Variants in CWF19L1 observed in about 807,000 individuals in gnomAD.
The protein encoded by CWF19L1 is CWF19-like protein 1.
CWF19L1 carries 60 observed loss-of-function variants against 69.7 expected under a neutral mutation model. The observed-to-expected ratio is 0.86, with a 90% CI of 0.70 to 1.07. The LOEUF (loss-of-function observed/expected upper bound fraction) is 1.07. Ranked by LOEUF, CWF19L1 falls within the 50% of genes least tolerant of loss-of-function variation. CWF19L1 has a pLI of 0.00. For synonymous variants in CWF19L1, 209 were observed against 222.2 expected, an observed-to-expected ratio of 0.94 and a Z score of 0.53; for missense variants, 591 against 638.9, an observed-to-expected ratio of 0.92 and a Z score of 0.81.
Position 100,235,690 on chromosome 10 carries a change from C to A in CWF19L1, c.1449G>T (p.Lys483Asn). Residue 483 changes from lysine (K) to asparagine (N), a missense_variant, in exon 13 of 14, where the codon AAG (lysine) becomes AAT (asparagine). Physicochemically the swap from Lys to Asn is moderately conservative, Grantham distance 94. Coordinates refer to ENST00000354105, the MANE Select transcript of CWF19L1 (RefSeq NM_018294.6). ...TGEKLFHRIK[K>N]NFPLQFGREV... ...ACCTTCCAAACTGCAAAGGAAAATT[C>A]TTTTTAATTCTGTGGAAAAGCTTTT... 6.2e-7 allele frequency: 1 copy of A among 1,611,732 alleles called. No individual in the cohort carries two copies. Among genetic ancestry groups the A allele is most frequent in the Admixed American group, 1.7e-5 (1 of 59,936 alleles).
intron 13 of CWF19L1, among the ~76,000 whole-genome samples, chr10:100,233,622 G>A (rs1846344679): frequency 6.6e-6 from 1 of 152,162 alleles, no homozygotes; most frequent in Non-Finnish European, 1.5e-5. Context: ...GGTACTTAGA[G>A]AAGCAACACC....
chr10:100,260,001 C>T (rs1471338545), intron 4 of CWF19L1, among the ~76,000 whole-genome samples: 1 of 152,010 alleles, frequency 6.6e-6, no homozygotes, highest in Non-Finnish European at 1.5e-5. Flanking sequence ...CCTGTCTCTA[C>T]TAAAAATATA....
intron 7 of CWF19L1, chr10:100,248,612 T>A (rs1463622188): frequency 2.7e-6 from 2 of 746,436 alleles, no homozygotes; most frequent in Non-Finnish European, 4.9e-6. Flanking sequence ...AAGCGTGTGC[T>A]GCTGTCCATC....
At position 100,241,000 on chromosome 10, in the gene CWF19L1, C is replaced by CTTTTTTTTTTT. The variant is rs56262807; in HGVS notation, c.1044+2687_1044+2697dup. The stretch of plus-strand genomic sequence containing the variant: ...GACAGGAGTGTGCCACTAATTAAGC[C>CTTTTTTTTTTT]TTTTTTTTTTTTTTTTTTTTTTTTT... On this transcript the variant is annotated intron_variant, in intron 10 of 13. Transcript: ENST00000354105. Among the ~76,000 whole-genome samples the CTTTTTTTTTTT allele has an allele frequency of 4.0e-3, 286 of 70,628 alleles. 30 individuals are homozygous for CTTTTTTTTTTT. Among genetic ancestry groups the CTTTTTTTTTTT allele is most frequent in the African/African-American group, 0.017 (268 of 15,574 alleles). 46.3% of individuals were successfully genotyped at this position (70,628 alleles called of 152,430 possible).
At chr10:100,235,864 A>G (rs1846417946) in intron 12 of CWF19L1, 100 bp from the exon 13 acceptor site, 12 of 835,094 alleles carry the variant, frequency 1.4e-5, no homozygotes, top group Non-Finnish European at 2.3e-5. Context: ...ATGCACAAGA[A>G]AAAAAGATAT....
chr10:100,245,844 T>C lies in CWF19L1; in HGVS notation c.919A>G (p.Arg307Gly). ...KQGRKRSSTGRDSKSSPHPKQ... is the reference protein window; with the variant it reads ...KQGRKRSSTGGDSKSSPHPKQ... ...GGATGAGGAGAAGATTTGCTATCTC[T>C]ACCTGTGGATGAACGCTTCCTTCCC... The change falls in exon 9 of 14, where the codon AGA becomes GGA. Residue 307 changes from arginine to glycine, a missense_variant. Coordinates refer to ENST00000354105, the MANE Select transcript of CWF19L1 (RefSeq NM_018294.6). 1 of 1,614,222 alleles carries C rather than the reference T, an allele frequency of 6.2e-7. No homozygotes were observed. The highest frequency in any genetic ancestry group is 8.5e-7 in the Non-Finnish European group (1 of 1,180,006).
chr10:100,236,426 A>T (rs1301664292), intron 12 of CWF19L1, among the ~76,000 whole-genome samples: 3 of 152,038 alleles, frequency 2.0e-5, no homozygotes, highest in Non-Finnish European at 4.4e-5. Flanking sequence ...ATTTAATAAC[A>T]TTTTTGGAAT....
At chr10:100,247,011 AG>A in intron 7 of CWF19L1, 76 bp from the exon 8 acceptor site, 2 of 1,314,918 alleles carry the variant, frequency 1.5e-6, no homozygotes, top group Non-Finnish European at 2.1e-6. Context: ...TTTACTGTGA[AG>A]ATTTCACAGA....
chr10:100,243,384 C>T (rs1488781789), intron 10 of CWF19L1, among the ~76,000 whole-genome samples: 1 of 152,130 alleles, frequency 6.6e-6, no homozygotes, highest in African/African-American at 2.4e-5. Context: ...CAAAAGACCA[C>T]ATGTTGTATG....
intron 4 of CWF19L1, among the ~76,000 whole-genome samples, chr10:100,258,905 TAA>T (rs11369357): frequency 1.3e-4 from 16 of 121,450 alleles, no homozygotes; most frequent in Admixed American, 5.0e-4. Flanking sequence ...TAAATTCAAC[TAA>T]AAAAAAAAAA....
chr10:100,264,783 C>G (rs994246936), intron 1 of CWF19L1, among the ~76,000 whole-genome samples: 2 of 151,928 alleles, frequency 1.3e-5, no homozygotes, highest in African/African-American at 4.8e-5. Context: ...ATGATCCTGA[C>G]CCTGTGTAGG....
At chr10:100,259,273 G>A (rs1205468543) in intron 4 of CWF19L1, among the ~76,000 whole-genome samples, 2 of 150,950 alleles carry the variant, frequency 1.3e-5, no homozygotes, top group Non-Finnish European at 2.9e-5. Context: ...GAAAACAAAA[G>A]CAAAATTTGA....
chr10:100,246,507 T>C (rs1208331923), intron 8 of CWF19L1, among the ~76,000 whole-genome samples: 1 of 152,192 alleles, frequency 6.6e-6, no homozygotes, highest in Non-Finnish European at 1.5e-5. Flanking sequence ...CCTAAAGAGC[T>C]AAGAACAGAT....
chr10:100,266,472 A>T (rs893623390), intron 1 of CWF19L1, among the ~76,000 whole-genome samples: 5 of 151,762 alleles, frequency 3.3e-5, no homozygotes, highest in African/African-American at 1.2e-4. Flanking sequence ...TATAGGCGTG[A>T]GCCACTGCGC....
At chr10:100,263,665 T>G (rs1046249416) in intron 1 of CWF19L1, among the ~76,000 whole-genome samples, 2 of 152,216 alleles carry the variant, frequency 1.3e-5, no homozygotes, top group South Asian at 2.1e-4. Flanking sequence ...GTGCCTCATC[T>G]CCTCATCTGG....
intron 9 of CWF19L1, among the ~76,000 whole-genome samples, chr10:100,245,263 CGCCTGGCTCA>C (rs1440582397): frequency 1.3e-5 from 2 of 152,118 alleles, no homozygotes; most frequent in East Asian, 3.9e-4. Flanking sequence ...ACTTGTGATC[CGCCTGGCTCA>C]GCCTCCCAAA....
At chr10:100,248,872 C>T in intron 7 of CWF19L1, 1 of 1,036,526 alleles carries the variant, frequency 9.6e-7, no homozygotes. Flanking sequence ...GGCTGAGCAG[C>T]AGAAAAAGGC....
intron 6 of CWF19L1, 124 bp downstream of exon 6, chr10:100,253,297 C>G (rs935039645): frequency 1.9e-5 from 12 of 628,230 alleles, no homozygotes; most frequent in Non-Finnish European, 2.8e-5. Flanking sequence ...GAGTCACTTA[C>G]TTCAGTGTCT....
At chr10:100,243,835 C>T in intron 9 of CWF19L1, 58 bp from the exon 10 acceptor site, 2 of 1,328,784 alleles carry the variant, frequency 1.5e-6, no homozygotes, top group Non-Finnish European at 1.1e-6. Flanking sequence ...CATATAATCA[C>T]CCCACAGAAC....
Sources: gnomAD v4.1 joint callset for allele counts (sites outside exome capture counted in the v4.1 genomes callset) on GRCh38, gnomAD v4.1.1 for gene constraint, MANE v1.5 for transcripts, NCBI Gene and HGNC (gene_info 2026-07-23, HGNC 2026-07-21) for gene names.